DMD: variants seen among roughly 807,000 people sequenced by gnomAD.
DMD encodes the protein mutant dystrophin.
DMD carries 63 observed loss-of-function variants against 330.1 expected under a neutral mutation model. That is an observed-to-expected ratio of 0.19 (90% CI 0.16 to 0.24). DMD has a LOEUF of 0.24. Ranked by LOEUF, DMD falls within the 10% of genes least tolerant of loss-of-function variation. The pLI is 1.00. For synonymous variants in DMD, 1,223 were observed against 959.8 expected, an observed-to-expected ratio of 1.27 and a Z score of -5.07; for missense variants, 3,344 against 2,684.1, an observed-to-expected ratio of 1.25 and a Z score of -5.43.
At chrX:32,249,108 T>C (rs1011558975) in intron 43 of DMD, among the ~76,000 whole-genome samples, 3 of 111,596 alleles carry the variant, frequency 2.7e-5, no homozygotes, top group African/African-American at 9.7e-5. Flanking sequence ...TCCCATGCTC[T>C]ACCATAAGAA....
chrX:33,142,902 C>T (rs1228476036), intron 1 of DMD, among the ~76,000 whole-genome samples: 1 of 111,358 alleles, frequency 9.0e-6, no homozygotes, highest in African/African-American at 3.3e-5. Flanking sequence ...AGATAGAGGT[C>T]CCAAGTTGTC....
intron 13 of DMD, among the ~76,000 whole-genome samples, chrX:32,590,979 C>G (rs2054843482): frequency 9.0e-6 from 1 of 111,495 alleles, no homozygotes; most frequent in Non-Finnish European, 1.9e-5. Context: ...TTCTAGAGAA[C>G]CTTAATACAC....
intron 2 of DMD, among the ~76,000 whole-genome samples, chrX:32,899,988 G>C (rs914854029): frequency 3.6e-5 from 4 of 111,508 alleles, no homozygotes; most frequent in African/African-American, 1.3e-4. Context: ...AAAAAAGAAA[G>C]TTTGTGAACC....
intron 2 of DMD, among the ~76,000 whole-genome samples, chrX:32,940,212 G>A (rs953838037): frequency 8.9e-6 from 1 of 111,769 alleles, no homozygotes; most frequent in African/African-American, 3.2e-5. Flanking sequence ...GCACAGCATA[G>A]GGACTATAGT....
chrX:31,324,122 T>G (rs1314396308), intron 61 of DMD, among the ~76,000 whole-genome samples: 5 of 111,811 alleles, frequency 4.5e-5, no homozygotes, highest in Non-Finnish European at 9.4e-5. Context: ...CTTATCACTC[T>G]GATATGGTTG....
At chrX:33,233,952 T>G (rs993913063) in intron 1 of DMD, among the ~76,000 whole-genome samples, 14 of 112,210 alleles carry the variant, frequency 1.2e-4, no homozygotes, top group Admixed American at 1.2e-3. Flanking sequence ...TTATATTATT[T>G]TTTACAACTG....
At chrX:32,193,523 C>A (rs1489437341) in intron 44 of DMD, among the ~76,000 whole-genome samples, 1 of 111,237 alleles carries the variant, frequency 9.0e-6, no homozygotes, top group African/African-American at 3.3e-5. Context: ...AGTGTTTCAC[C>A]TTTGCTGTTC....
intron 67 of DMD, among the ~76,000 whole-genome samples, chrX:31,185,256 C>T (rs2041651424): frequency 9.0e-6 from 1 of 111,334 alleles, no homozygotes; most frequent in Admixed American, 9.5e-5. Flanking sequence ...GAATCTTCTC[C>T]GTCATTCTCT....
chrX:32,842,317 C>G (rs762814312), intron 4 of DMD, among the ~76,000 whole-genome samples: 4 of 112,307 alleles, frequency 3.6e-5, no homozygotes, highest in Admixed American at 9.4e-5. Context: ...GAGATAACCA[C>G]GCTAGGGATT....
intron 44 of DMD, among the ~76,000 whole-genome samples, chrX:32,053,586 C>T (rs1014693172): frequency 1.8e-5 from 2 of 111,020 alleles, no homozygotes; most frequent in Non-Finnish European, 3.8e-5. Flanking sequence ...TTCTCGCCCA[C>T]TCTCAAGCCA....
At position 32,301,258 on chromosome X, in the gene DMD, A is replaced by G. The variant is rs193174332; in HGVS notation, c.6117+8824T>C. On this transcript the variant is annotated intron_variant, in intron 42 of 78. Transcript: ENST00000357033. ...AAAAAAGAAAGAAAAGAAATAAACA[A>G]AAGGCATGATATGGGAGCAGGAAGC... 3.8e-3 allele frequency among the ~76,000 whole-genome samples: 418 copies of G among 108,669 alleles called. 3 individuals carry two copies. Among genetic ancestry groups the G allele is most frequent in the African/African-American group, 0.013 (391 of 30,214 alleles). 94.4% of individuals were successfully genotyped at this position (108,669 alleles called of 115,157 possible).
intron 7 of DMD, among the ~76,000 whole-genome samples, chrX:32,745,699 T>C (rs892596444): frequency 1.8e-5 from 2 of 112,442 alleles, no homozygotes; most frequent in Non-Finnish European, 3.8e-5. Context: ...TGCTTTTTTA[T>C]TCTTAATAAA....
At chrX:33,269,140 A>G (rs1166896251) in intron 1 of DMD, among the ~76,000 whole-genome samples, 1 of 111,195 alleles carries the variant, frequency 9.0e-6, no homozygotes, top group Admixed American at 9.7e-5. Context: ...ATGCACTGGT[A>G]TGTTCTTTGT....
chrX:31,966,728 A>T (rs1445851645), intron 45 of DMD, among the ~76,000 whole-genome samples: 1 of 111,125 alleles, frequency 9.0e-6, no homozygotes, highest in African/African-American at 3.3e-5. Context: ...TTATTTGGTG[A>T]AACAGGCATA....
At chrX:31,294,905 C>T (rs1350295574) in intron 62 of DMD, among the ~76,000 whole-genome samples, 2 of 112,301 alleles carry the variant, frequency 1.8e-5, no homozygotes, top group African/African-American at 6.5e-5. Context: ...ACGTGATTCT[C>T]TTAGTGTCAT....
intron 1 of DMD, among the ~76,000 whole-genome samples, chrX:33,266,752 G>A (rs2148909065): frequency 9.0e-6 from 1 of 111,517 alleles, no homozygotes; most frequent in Non-Finnish European, 1.9e-5. Flanking sequence ...GACAGAAAGT[G>A]TCCTATTTTA....
intron 2 of DMD, among the ~76,000 whole-genome samples, chrX:32,944,311 A>G (rs2090635165): frequency 8.9e-6 from 1 of 112,193 alleles, no homozygotes; most frequent in Admixed American, 9.5e-5. Context: ...GGGTTTTTAA[A>G]ATCATTTCTA....
At chrX:32,698,885 T>A (rs1215754751) in intron 8 of DMD, among the ~76,000 whole-genome samples, 4 of 111,301 alleles carry the variant, frequency 3.6e-5, no homozygotes, top group African/African-American at 9.8e-5. Context: ...TATGATATGG[T>A]ACATATGAAT....
At chrX:32,820,551 T>A (rs2078155321) in intron 5 of DMD, among the ~76,000 whole-genome samples, 1 of 112,362 alleles carries the variant, frequency 8.9e-6, no homozygotes, top group African/African-American at 3.2e-5. Flanking sequence ...CAGATGGAGT[T>A]GGAAAGGGCT....
Sources: allele counts gnomAD v4.1 joint callset (sites outside exome capture counted in the v4.1 genomes callset), GRCh38; gene constraint gnomAD v4.1.1; transcripts MANE v1.5; gene names NCBI Gene and HGNC (gene_info 2026-07-23, HGNC 2026-07-21).